The following NR1H4 variants were observed in gnomAD, a reference collection of about 807,000 sequenced individuals.
NR1H4 encodes nuclear receptor subfamily 1 group H member 4.
NR1H4 carries 23 observed loss-of-function variants against 58.5 expected under a neutral mutation model. The observed-to-expected ratio is 0.39, with a 90% CI of 0.28 to 0.56. The LOEUF is 0.56. Among genes scored for constraint, NR1H4 ranks in the 20% least tolerant of loss-of-function variants. The probability of loss-of-function intolerance (pLI) is 0.58; values close to 1 mark genes in which losing one functional copy is unlikely to be tolerated. For synonymous variants in NR1H4, 214 were observed against 198.0 expected (o/e 1.08, Z -0.68); for missense variants, 487 against 576.9 (o/e 0.84, Z 1.60).
intron 4 of NR1H4, among the ~76,000 whole-genome samples, chr12:100,517,656 G>T (rs1954302075): frequency 6.6e-6 from 1 of 152,126 alleles, no homozygotes; most frequent in East Asian, 1.9e-4. Context: ...CCAGCAGTAA[G>T]GGTTGACTTT....
intron 1 of NR1H4, among the ~76,000 whole-genome samples, chr12:100,479,772 C>T (rs1219910747): frequency 2.6e-5 from 4 of 152,234 alleles, no homozygotes; most frequent in Non-Finnish European, 5.9e-5. Context: ...CCCTCCTTGG[C>T]TCACTCATTT....
chr12:100,503,436 C>G (rs770729903), intron 3 of NR1H4: 1 of 1,597,794 alleles, frequency 6.3e-7, no homozygotes, highest in South Asian at 1.1e-5. Flanking sequence ...AATTAGTCCT[C>G]ACTGCAGCTG....
Position 100,563,573 on chromosome 12 carries a change from C to G in NR1H4, c.*84C>G. The G allele has an allele frequency of 9.7e-7, 1 of 1,028,908 alleles. No homozygotes were observed. The highest frequency in any genetic ancestry group is 1.3e-5 in the South Asian group (1 of 76,832). The allele number at this position is 1,028,908 out of a possible 1,614,324, so 63.7% of individuals were successfully genotyped here. Reference sequence around the variant, plus strand: ...AACTTTCCTTTATTTCACTTGTACCCAGTTTCACTCAAGAAATCTTGATGA... The same window carrying G: ...AACTTTCCTTTATTTCACTTGTACCGAGTTTCACTCAAGAAATCTTGATGA... On this transcript the variant is annotated 3_prime_UTR_variant, in exon 11 of 11. Transcript: ENST00000392986.
chr12:100,490,644 CAT>C (rs1353335823), intron 1 of NR1H4, among the ~76,000 whole-genome samples: 13 of 152,046 alleles, frequency 8.6e-5, no homozygotes, highest in African/African-American at 2.9e-4. Flanking sequence ...TATACAGACA[CAT>C]ATACATATTT....
intron 5 of NR1H4, among the ~76,000 whole-genome samples, chr12:100,534,278 A>G (rs1954764522): frequency 6.6e-6 from 1 of 152,180 alleles, no homozygotes. Flanking sequence ...TATTATTTTT[A>G]TTTTTAACTG....
intron 3 of NR1H4, among the ~76,000 whole-genome samples, chr12:100,508,422 A>G (rs1317613341): frequency 2.0e-5 from 3 of 152,160 alleles, no homozygotes; most frequent in African/African-American, 7.2e-5. Flanking sequence ...AAACACAAGT[A>G]GGAGGATGCA....
chr12:100,559,313 T>C (rs1195432751), intron 9 of NR1H4, among the ~76,000 whole-genome samples: 1 of 152,182 alleles, frequency 6.6e-6, no homozygotes, highest in African/African-American at 2.4e-5. Flanking sequence ...ACCACTGCAC[T>C]GTGGGAGCCC....
At chr12:100,530,830 T>A (rs1954673758) in intron 4 of NR1H4, among the ~76,000 whole-genome samples, 2 of 152,152 alleles carry the variant, frequency 1.3e-5, no homozygotes, top group Non-Finnish European at 2.9e-5. Flanking sequence ...CCAAGCCCAA[T>A]GAAAGAGTCT....
intron 1 of NR1H4, among the ~76,000 whole-genome samples, chr12:100,486,381 AT>A (rs1459462431): frequency 1.3e-5 from 2 of 152,222 alleles, no homozygotes; most frequent in Non-Finnish European, 2.9e-5. Flanking sequence ...CAAAGCATTA[AT>A]TACTATACAA....
chr12:100,505,617 T>G (rs1402541230), intron 3 of NR1H4: 6 of 701,654 alleles, frequency 8.6e-6, no homozygotes, highest in Non-Finnish European at 1.6e-5. Context: ...TGTTCTCATT[T>G]AAGAACTCGT....
chr12:100,530,892 A>G (rs1471578519), intron 4 of NR1H4, among the ~76,000 whole-genome samples: 1 of 152,202 alleles, frequency 6.6e-6, no homozygotes, highest in Non-Finnish European at 1.5e-5. Flanking sequence ...GCTGACAGAC[A>G]TGGGGACTTT....
intron 1 of NR1H4, among the ~76,000 whole-genome samples, chr12:100,487,775 C>T (rs1290580934): frequency 2.6e-5 from 4 of 151,080 alleles, no homozygotes; most frequent in African/African-American, 9.7e-5. Flanking sequence ...CCACGCCTGG[C>T]TAATTTTTAT....
intron 4 of NR1H4, among the ~76,000 whole-genome samples, chr12:100,516,136 G>T (rs772095941): frequency 6.6e-6 from 1 of 152,168 alleles, no homozygotes; most frequent in Non-Finnish European, 1.5e-5. Flanking sequence ...TGGGAAAAGA[G>T]AATAGGAGGA....
At chr12:100,510,532 C>T (rs2136155914) in intron 3 of NR1H4, among the ~76,000 whole-genome samples, 1 of 150,056 alleles carries the variant, frequency 6.7e-6, no homozygotes, top group African/African-American at 2.4e-5. Flanking sequence ...TTCAGGAGCT[C>T]TTTATACATT....
At chr12:100,486,976 A>G (rs138413491) in intron 1 of NR1H4, among the ~76,000 whole-genome samples, 48 of 152,360 alleles carry the variant, frequency 3.2e-4, no homozygotes, top group African/African-American at 9.4e-4. Context: ...CAACGTATGA[A>G]GAACTCTGCC....
chr12:100,548,238 G>A lies in NR1H4; in HGVS notation c.1078+7420G>A, dbSNP rs376785984. Among the ~76,000 whole-genome samples, 12 of 151,040 alleles carry A rather than the reference G, an allele frequency of 7.9e-5. No homozygotes were observed. In the South Asian group the frequency reaches 2.1e-3, roughly 27 times the overall value. On this transcript the variant is annotated intron_variant, in intron 9 of 10. Transcript: ENST00000392986. Reference sequence around the variant, plus strand: ...AAAAATTAGCCGGGCATGGTGGCACGCACCTGTAGTCCCAGCTAGTCAGGA... The same window carrying A: ...AAAAATTAGCCGGGCATGGTGGCACACACCTGTAGTCCCAGCTAGTCAGGA...
intron 1 of NR1H4, among the ~76,000 whole-genome samples, 169 bp from the exon 2 acceptor site, chr12:100,492,334 T>G (rs1000558551): frequency 2.0e-5 from 3 of 152,126 alleles, no homozygotes; most frequent in African/African-American, 7.2e-5. Context: ...TATATCCTCT[T>G]CCTGGGCAGC....
At chr12:100,543,155 A>G (rs867403302) in intron 9 of NR1H4, among the ~76,000 whole-genome samples, 17 of 152,146 alleles carry the variant, frequency 1.1e-4, no homozygotes, top group Non-Finnish European at 2.2e-4. Flanking sequence ...AAAGAGAAAG[A>G]GGCAAGAAAG....
chr12:100,505,748 G>A (rs531576076), intron 3 of NR1H4: 69 of 546,064 alleles, frequency 1.3e-4, no homozygotes, highest in African/African-American at 1.1e-3. Flanking sequence ...CTTTTAAATT[G>A]TATCAAAATA....
Sources: gnomAD v4.1 joint callset for allele counts (sites outside exome capture counted in the v4.1 genomes callset) on GRCh38, gnomAD v4.1.1 for gene constraint, MANE v1.5 for transcripts, NCBI Gene and HGNC (gene_info 2026-07-23, HGNC 2026-07-21) for gene names.